Variants in RGS22 observed in about 807,000 individuals in gnomAD.
RGS22 encodes the protein regulator of G-protein signaling 22.
RGS22 carries 148 observed loss-of-function variants against 172.9 expected under a neutral mutation model. The ratio of observed to expected loss-of-function variants is 0.86; its 90% CI spans 0.75 to 0.98. RGS22 has a LOEUF of 0.98. Among genes scored for constraint, RGS22 ranks in the 50% least tolerant of loss-of-function variants. The probability of loss-of-function intolerance (pLI) is 0.00; values close to 1 mark genes in which losing one functional copy is unlikely to be tolerated. For missense variants in RGS22, 1,347 were observed against 1,440.8 expected, an observed-to-expected ratio of 0.93 and a Z score of 1.05; for synonymous variants, 458 against 480.2, an observed-to-expected ratio of 0.95 and a Z score of 0.60.
chr8:100,001,525 C>T (rs530218052), intron 18 of RGS22, among the ~76,000 whole-genome samples: 169 of 152,104 alleles, frequency 1.1e-3, no homozygotes, highest in Non-Finnish European at 1.8e-3. Flanking sequence ...TAAGCCACCA[C>T]GCCCAGCCCA....
At chr8:100,084,934 G>A (rs1812054443) in intron 3 of RGS22, among the ~76,000 whole-genome samples, 1 of 152,184 alleles carries the variant, frequency 6.6e-6, no homozygotes, top group Admixed American at 6.5e-5. Context: ...GGGCAAATAT[G>A]TCCCCAGTGA....
At chr8:99,964,037 T>A (rs1272940482) in intron 24 of RGS22, among the ~76,000 whole-genome samples, 1 of 152,020 alleles carries the variant, frequency 6.6e-6, no homozygotes, top group African/African-American at 2.4e-5. Context: ...CAAGATAGCA[T>A]CGTCATCACC....
chr8:100,087,757 G>T (rs1217960609), intron 3 of RGS22, among the ~76,000 whole-genome samples: 1 of 152,128 alleles, frequency 6.6e-6, no homozygotes, highest in Non-Finnish European at 1.5e-5. Flanking sequence ...TAACAAGTCA[G>T]TTACCAATAA....
chr8:100,004,039 T>C lies in RGS22; in HGVS notation c.2514A>G (p.Thr838=). 6.2e-7 allele frequency: 1 copy of C among 1,612,224 alleles called. No individual in the cohort carries two copies. Among genetic ancestry groups the C allele is most frequent in the Non-Finnish European group, 8.5e-7 (1 of 1,178,932 alleles). Residue 838 remains threonine (T), a synonymous_variant, in exon 17 of 28, where the codon ACA becomes ACG. Coordinates refer to ENST00000360863, the MANE Select transcript of RGS22 (RefSeq NM_015668.5). ...CTGCAGGAACATTATCCCAATATTCTGTTCGTTTAGAGACGTTAGAGAGTG... is the reference window on the plus strand; with the variant it reads ...CTGCAGGAACATTATCCCAATATTCCGTTCGTTTAGAGACGTTAGAGAGTG... ...ILSLSNVSKR[T]EYWDNVPAEY...
intron 18 of RGS22, 78 bp from the exon 19 acceptor site, chr8:99,999,498 C>T: frequency 6.6e-7 from 1 of 1,504,082 alleles, no homozygotes; most frequent in Non-Finnish European, 9.1e-7. Context: ...CATTCATTCA[C>T]TACAAAACCA....
intron 11 of RGS22, among the ~76,000 whole-genome samples, chr8:100,044,626 CTTT>C (rs542203635): frequency 7.8e-6 from 1 of 128,836 alleles, no homozygotes; most frequent in Non-Finnish European, 1.7e-5. Context: ...ATTACCCTTT[CTTT>C]TTTTTTTTTT....
At chr8:100,095,888 C>T (rs887218761) in intron 2 of RGS22, among the ~76,000 whole-genome samples, 4 of 152,168 alleles carry the variant, frequency 2.6e-5, no homozygotes, top group African/African-American at 7.2e-5. Flanking sequence ...TCAGCAATTC[C>T]GTTGATATTG....
chr8:100,094,993 T>A (rs3101313), intron 2 of RGS22, among the ~76,000 whole-genome samples: 1 of 152,112 alleles, frequency 6.6e-6, no homozygotes, highest in Non-Finnish European at 1.5e-5. Context: ...TTCTAAAGTA[T>A]ACATTTCATT....
chr8:99,985,964 C>CA (rs903958264), intron 21 of RGS22, among the ~76,000 whole-genome samples: 11 of 151,904 alleles, frequency 7.2e-5, no homozygotes, highest in African/African-American at 1.2e-4. Flanking sequence ...TTTCTAATCT[C>CA]AAAAAAATTA....
At chr8:100,093,569 A>G (rs1586274726) in intron 2 of RGS22, 60 bp from the exon 3 acceptor site, 2 of 1,097,112 alleles carry the variant, frequency 1.8e-6, no homozygotes, top group East Asian at 2.4e-5. Context: ...TCATGCCTAT[A>G]TTATTCTCTA....
chr8:99,989,586 G>A (rs902142225), intron 20 of RGS22, among the ~76,000 whole-genome samples: 2 of 152,178 alleles, frequency 1.3e-5, no homozygotes, highest in African/African-American at 2.4e-5. Context: ...GCTCACGCCT[G>A]TAATCCTAGC....
At chr8:100,032,016 A>G (rs1020928143) in intron 14 of RGS22, among the ~76,000 whole-genome samples, 2 of 152,218 alleles carry the variant, frequency 1.3e-5, no homozygotes, top group Non-Finnish European at 2.9e-5. Flanking sequence ...TCCTGAAGGA[A>G]GCACTAAACA....
At chr8:100,026,043 GT>G (rs377372205) in intron 14 of RGS22, among the ~76,000 whole-genome samples, 1 of 151,724 alleles carries the variant, frequency 6.6e-6, no homozygotes, top group Non-Finnish European at 1.5e-5. Flanking sequence ...TTTGGTAAAT[GT>G]TTGTGGAAAT....
intron 8 of RGS22, 84 bp downstream of exon 8, chr8:100,063,332 G>T: frequency 3.2e-6 from 3 of 928,688 alleles, no homozygotes; most frequent in East Asian, 2.8e-5. Context: ...AATTTACTTT[G>T]GGCTTTCTCC....
At chr8:100,084,185 C>G (rs116960073) in intron 3 of RGS22, among the ~76,000 whole-genome samples, 56 of 152,260 alleles carry the variant, frequency 3.7e-4, no homozygotes, top group Admixed American at 3.2e-3. Context: ...CTGGCTCACT[C>G]AGAATCCATT....
At chr8:99,996,225 C>T (rs886084904) in intron 20 of RGS22, among the ~76,000 whole-genome samples, 2 of 152,180 alleles carry the variant, frequency 1.3e-5, no homozygotes, top group East Asian at 3.9e-4. Context: ...CAAACGTACA[C>T]GTTGTGCACA....
intron 14 of RGS22, among the ~76,000 whole-genome samples, chr8:100,010,490 A>C (rs948082410): frequency 3.3e-5 from 5 of 152,198 alleles, no homozygotes; most frequent in African/African-American, 9.7e-5. Context: ...GTCTAAAAAA[A>C]TAAAAAACCA....
intron 14 of RGS22, among the ~76,000 whole-genome samples, chr8:100,017,085 C>A (rs547079126): frequency 6.9e-6 from 1 of 145,044 alleles, no homozygotes; most frequent in Non-Finnish European, 1.5e-5. Flanking sequence ...GAAACCTCTG[C>A]CTCCTGGGCT....
At chr8:100,069,145 G>T (rs1006948947) in intron 6 of RGS22, among the ~76,000 whole-genome samples, 4 of 152,002 alleles carry the variant, frequency 2.6e-5, no homozygotes, top group African/African-American at 9.7e-5. Context: ...AGTAACCTTA[G>T]CCTATCTATT....
Sources: gnomAD v4.1 joint callset for allele counts (sites outside exome capture counted in the v4.1 genomes callset) on GRCh38, gnomAD v4.1.1 for gene constraint, MANE v1.5 for transcripts, NCBI Gene and HGNC (gene_info 2026-07-23, HGNC 2026-07-21) for gene names.